YWHAG: variants seen among roughly 807,000 people sequenced by gnomAD.
YWHAG encodes 14-3-3 protein gamma.
A neutral mutation model predicts 23.3 loss-of-function variants in YWHAG; 1 was observed. That is an observed-to-expected ratio of 0.04 (90% CI 0.02 to 0.20). The LOEUF (loss-of-function observed/expected upper bound fraction) is 0.20. YWHAG is among the 10% of genes least tolerant of loss of function. YWHAG has a pLI of 1.00. For synonymous variants in YWHAG, 160 were observed against 144.0 expected, an observed-to-expected ratio of 1.11 and a Z score of -0.80; for missense variants, 151 against 338.6, an observed-to-expected ratio of 0.45 and a Z score of 4.35.
At chr7:76,358,653 G>C in intron 1 of YWHAG, 69 bp downstream of exon 1, 1 of 1,446,614 alleles carries the variant, frequency 6.9e-7, no homozygotes, top group Non-Finnish European at 9.4e-7. Flanking sequence ...CGAAGCCCCG[G>C]GCCTTCCACG....
intron 1 of YWHAG, among the ~76,000 whole-genome samples, chr7:76,343,682 T>C (rs1166316446): frequency 3.3e-5 from 5 of 152,160 alleles, no homozygotes; most frequent in Admixed American, 6.6e-5. Flanking sequence ...ACCTCCATAA[T>C]CTGAACTTGG....
chr7:76,349,924 G>A (rs889763529), intron 1 of YWHAG, among the ~76,000 whole-genome samples: 6 of 152,134 alleles, frequency 3.9e-5, no homozygotes, highest in African/African-American at 1.4e-4. Flanking sequence ...AATCCAGGAG[G>A]GGGAGGTTGC....
chr7:76,350,759 G>A (rs935281473), intron 1 of YWHAG, among the ~76,000 whole-genome samples: 1 of 152,118 alleles, frequency 6.6e-6, no homozygotes, highest in Admixed American at 6.6e-5. Context: ...CAGGAGAATC[G>A]CTGGAACTCA....
intron 1 of YWHAG, among the ~76,000 whole-genome samples, chr7:76,330,863 C>G (rs1302973347): frequency 1.3e-5 from 2 of 152,184 alleles, no homozygotes. Flanking sequence ...GAGGCGAGCA[C>G]AGCGCCTCTA....
At chr7:76,331,297 G>GGAGAGGAGAA (rs1803538464) in intron 1 of YWHAG, among the ~76,000 whole-genome samples, 1 of 151,892 alleles carries the variant, frequency 6.6e-6, no homozygotes, top group South Asian at 2.1e-4. Context: ...GGAGAGGAGA[G>GGAGAGGAGAA]GAGAGGAGAG....
intron 1 of YWHAG, among the ~76,000 whole-genome samples, chr7:76,341,992 T>C (rs1803702808): frequency 6.6e-6 from 1 of 152,216 alleles, no homozygotes; most frequent in African/African-American, 2.4e-5. Flanking sequence ...TTGTTTGAAA[T>C]ATAAAATTCG....
intron 1 of YWHAG, among the ~76,000 whole-genome samples, chr7:76,349,428 CACACACACACACACAG>C (rs1180470740): frequency 7.9e-6 from 1 of 126,806 alleles, no homozygotes; most frequent in African/African-American, 3.2e-5. Context: ...TACACACACA[CACACACACACACACAG>C]ACACACACAC....
chr7:76,337,510 T>G (rs950280012), intron 1 of YWHAG, among the ~76,000 whole-genome samples: 1 of 151,768 alleles, frequency 6.6e-6, no homozygotes, highest in African/African-American at 2.4e-5. Context: ...CTGATTTTCA[T>G]CTCCTGCGCC....
chr7:76,335,601 T>C (rs748087552), intron 1 of YWHAG, among the ~76,000 whole-genome samples: 7 of 152,228 alleles, frequency 4.6e-5, no homozygotes, highest in Non-Finnish European at 1.0e-4. Flanking sequence ...TTTCTGACCT[T>C]AAGCCATGGA....
intron 1 of YWHAG, among the ~76,000 whole-genome samples, chr7:76,350,254 C>T (rs1803854695): frequency 6.6e-6 from 1 of 152,184 alleles, no homozygotes; most frequent in African/African-American, 2.4e-5. Flanking sequence ...ACCTCATTTT[C>T]CTTCCTAGAG....
In YWHAG at chr7:76,358,863, G is replaced by C; in HGVS notation, c.-55C>G. ...GAGGAGGACACTGGGGCGGCCTGAA[G>C]GGCTTGGAGGGCGCGACTGGAGCCC... On this transcript the variant is annotated 5_prime_UTR_variant, in exon 1 of 2. Transcript: ENST00000307630. 6.7e-7 allele frequency: 1 copy of C among 1,499,060 alleles called. No homozygotes were observed. Among genetic ancestry groups the C allele is most frequent in the East Asian group, 2.7e-5 (1 of 37,322 alleles). 92.9% of individuals were successfully genotyped at this position (1,499,060 alleles called of 1,614,324 possible).
At chr7:76,335,709 GGGAGGCCAAGGTGGGT>G (rs1350317920) in intron 1 of YWHAG, among the ~76,000 whole-genome samples, 1 of 152,208 alleles carries the variant, frequency 6.6e-6, no homozygotes. Context: ...CCAGCACTTT[GGGAGGCCAAGGTGGGT>G]GGATCACTTG....
intron 1 of YWHAG, among the ~76,000 whole-genome samples, chr7:76,351,988 G>A (rs868767368): frequency 5.9e-5 from 9 of 152,074 alleles, no homozygotes; most frequent in African/African-American, 2.2e-4. Context: ...CAGGCCAGGC[G>A]GGCCCTCACA....
chr7:76,330,569 G>A (rs997902169), intron 1 of YWHAG, among the ~76,000 whole-genome samples: 4 of 152,166 alleles, frequency 2.6e-5, no homozygotes, highest in African/African-American at 4.8e-5. Context: ...TTAGGAAAAC[G>A]GACTGACAAA....
intron 1 of YWHAG, among the ~76,000 whole-genome samples, chr7:76,339,927 A>G (rs2115615731): frequency 6.6e-6 from 1 of 152,078 alleles, no homozygotes; most frequent in South Asian, 2.1e-4. Context: ...CGTCTCTACT[A>G]AAATACAAAA....
Position 76,329,738 on chromosome 7 carries a change from G to A in YWHAG, c.583C>T (p.His195Tyr). Residue 195 changes from histidine to tyrosine, a missense_variant, in exon 2 of 2, where the codon CAC (histidine) becomes TAC (tyrosine). Transcript: ENST00000307630. The surrounding 1 kb of genome is among the most constrained non-coding windows in gnomAD (Gnocchi z 6.1). ...TCGTCGAACGCGGTCTTGGCCAAGT[G>A]GCACGCTTGCTCTGGGGCGTTCTGG... The part of the protein sequence containing the change: ...EIQNAPEQAC[H>Y]LAKTAFDDAI... 1 of 1,614,202 alleles carries A rather than the reference G, an allele frequency of 6.2e-7. No homozygotes were observed. The highest frequency in any genetic ancestry group is 1.7e-5 in the Admixed American group (1 of 60,018).
chr7:76,349,854 C>T (rs1453292723), intron 1 of YWHAG, among the ~76,000 whole-genome samples: 1 of 152,034 alleles, frequency 6.6e-6, no homozygotes, highest in Non-Finnish European at 1.5e-5. Context: ...ATTAGCCAGG[C>T]GTGGTGGTGG....
chr7:76,356,634 C>CTT (rs1183088110), intron 1 of YWHAG, among the ~76,000 whole-genome samples: 2 of 152,126 alleles, frequency 1.3e-5, no homozygotes, highest in Non-Finnish European at 2.9e-5. Flanking sequence ...TTTAAAATTT[C>CTT]TTTTATTCCA....
chr7:76,355,610 G>A (rs1157566578), intron 1 of YWHAG, among the ~76,000 whole-genome samples: 2 of 152,140 alleles, frequency 1.3e-5, no homozygotes, highest in African/African-American at 4.8e-5. Flanking sequence ...AGTGATAATA[G>A]CTATTGATCT....
Sources: allele counts gnomAD v4.1 joint callset (sites outside exome capture counted in the v4.1 genomes callset), GRCh38; gene constraint gnomAD v4.1.1; non-coding constraint Gnocchi (gnomAD v3.1); transcripts MANE v1.5; gene names NCBI Gene and HGNC (gene_info 2026-07-23, HGNC 2026-07-21).